Variants in ELAVL2 observed in about 807,000 individuals in gnomAD.
The protein encoded by ELAVL2 is ELAV like RNA binding protein 2, also known as ELAV-like protein 2.
A neutral mutation model predicts 34.6 loss-of-function variants in ELAVL2; 4 were observed. The ratio of observed to expected loss-of-function variants is 0.12; its 90% CI spans 0.06 to 0.26. The LOEUF is 0.26. Among genes scored for constraint, ELAVL2 ranks in the 10% least tolerant of loss-of-function variants. The probability of loss-of-function intolerance (pLI) is 1.00; values close to 1 mark genes in which losing one functional copy is unlikely to be tolerated. For synonymous variants in ELAVL2, 193 were observed against 154.8 expected (o/e 1.25, Z -1.83); for missense variants, 432 against 442.8 (o/e 0.98, Z 0.22).
chr9:23,705,156 T>A, intron 3 of ELAVL2, 85 bp from the exon 4 acceptor site: 1 of 1,512,262 alleles, frequency 6.6e-7, no homozygotes, highest in Non-Finnish European at 9.0e-7. Flanking sequence ...CTCGGTAACT[T>A]TCCCATGAAC....
At chr9:23,730,622 A>G (rs2046295651) in intron 3 of ELAVL2, among the ~76,000 whole-genome samples, 2 of 152,150 alleles carry the variant, frequency 1.3e-5, no homozygotes, top group Non-Finnish European at 2.9e-5. Context: ...CTGCTTTCAT[A>G]CTATAAAGGC....
At chr9:23,756,076 G>GT (rs1201415160) in intron 2 of ELAVL2, among the ~76,000 whole-genome samples, 3 of 152,112 alleles carry the variant, frequency 2.0e-5, no homozygotes, top group African/African-American at 7.2e-5. Flanking sequence ...AGCTAAGATT[G>GT]TATTTGTTTA....
chr9:23,752,885 T>C (rs2052500968), intron 2 of ELAVL2, among the ~76,000 whole-genome samples: 2 of 152,200 alleles, frequency 1.3e-5, no homozygotes, highest in East Asian at 1.9e-4. Context: ...ATAAAGATGA[T>C]ATATGGTGTC....
intron 1 of ELAVL2, among the ~76,000 whole-genome samples, chr9:23,768,853 T>C (rs1217857446): frequency 6.6e-6 from 1 of 152,158 alleles, no homozygotes; most frequent in African/African-American, 2.4e-5. Context: ...AGAAGGCATT[T>C]AGAAGCACAT....
chr9:23,828,516 A>C (rs2065400236), upstream of ELAVL2, among the ~76,000 whole-genome samples: 2 of 152,210 alleles, frequency 1.3e-5, no homozygotes, highest in African/African-American at 4.8e-5. Flanking sequence ...AGTGATATGG[A>C]GTAATAAAAA....
intron 2 of ELAVL2, among the ~76,000 whole-genome samples, chr9:23,745,962 A>G (rs994116250): frequency 6.6e-6 from 1 of 152,138 alleles, no homozygotes; most frequent in African/African-American, 2.4e-5. Context: ...TCTTGCTCAC[A>G]CTCAGTGAGC....
the ELAVL2 span, among the ~76,000 whole-genome samples, chr9:23,842,576 A>G: frequency 1.3e-5 from 2 of 152,044 alleles, no homozygotes; most frequent in Admixed American, 6.5e-5. Context: ...TTTTTCATAT[A>G]TATAGGAAAT....
At chr9:23,739,061 A>C (rs967361220) in intron 2 of ELAVL2, among the ~76,000 whole-genome samples, 1 of 152,206 alleles carries the variant, frequency 6.6e-6, no homozygotes, top group Admixed American at 6.5e-5. Context: ...ACAGCATATT[A>C]AATCCTCTAA....
At chr9:23,831,966 T>A in the ELAVL2 span, among the ~76,000 whole-genome samples, 2 of 152,170 alleles carry the variant, frequency 1.3e-5, no homozygotes, top group East Asian at 1.9e-4. Context: ...ATTTGAAAAG[T>A]ACAGTATGGA....
At chr9:23,791,130 T>C (rs1588545609) in intron 1 of ELAVL2, among the ~76,000 whole-genome samples, 1 of 152,176 alleles carries the variant, frequency 6.6e-6, no homozygotes, top group South Asian at 2.1e-4. Context: ...AAGAAATCAA[T>C]TGTATATCAA....
At chr9:23,733,172 TAAA>T (rs397953305) in intron 2 of ELAVL2, among the ~76,000 whole-genome samples, 3 of 104,592 alleles carry the variant, frequency 2.9e-5, no homozygotes, top group African/African-American at 1.1e-4. Flanking sequence ...CTAGAAAGCT[TAAA>T]AAAAAAAAAA....
At chr9:23,800,954 T>A (rs2061499645) in intron 1 of ELAVL2, among the ~76,000 whole-genome samples, 1 of 152,150 alleles carries the variant, frequency 6.6e-6, no homozygotes. Context: ...GGCACCTTAT[T>A]TGAGGGCTTT....
At chr9:23,695,728 C>T (rs1055454041) in intron 5 of ELAVL2, among the ~76,000 whole-genome samples, 2 of 152,034 alleles carry the variant, frequency 1.3e-5, no homozygotes, top group African/African-American at 4.8e-5. Context: ...GTGTATTTAA[C>T]CATATCTAAA....
At chr9:23,849,549 G>C in the ELAVL2 span, 1 of 152,092 alleles carries the variant, frequency 6.6e-6, no homozygotes, top group African/African-American at 2.4e-5. Flanking sequence ...CTAATGTGCC[G>C]AGTTCAGGAA....
At chr9:23,737,558 T>C (rs1431073308) in intron 2 of ELAVL2, among the ~76,000 whole-genome samples, 1 of 152,200 alleles carries the variant, frequency 6.6e-6, no homozygotes, top group African/African-American at 2.4e-5. Context: ...TATAATTTTG[T>C]TGAAAGTACT....
intron 1 of ELAVL2, among the ~76,000 whole-genome samples, chr9:23,775,331 C>G (rs1397592771): frequency 6.6e-6 from 1 of 152,198 alleles, no homozygotes; most frequent in African/African-American, 2.4e-5. Flanking sequence ...GAGGACACCA[C>G]TGCACTCCAG....
intron 1 of ELAVL2, among the ~76,000 whole-genome samples, chr9:23,806,363 A>G (rs2062219876): frequency 6.6e-6 from 1 of 152,130 alleles, no homozygotes; most frequent in South Asian, 2.1e-4. Context: ...TAGCCAGGTG[A>G]GGTGGCTCAG....
chr9:23,751,203 T>C (rs2051916466), intron 2 of ELAVL2, among the ~76,000 whole-genome samples: 1 of 152,062 alleles, frequency 6.6e-6, no homozygotes, highest in Non-Finnish European at 1.5e-5. Context: ...ATCAAAGCAG[T>C]ATGTACAAAA....
At chr9:23,782,867 C>T (rs192066971) in intron 1 of ELAVL2, among the ~76,000 whole-genome samples, 4 of 152,218 alleles carry the variant, frequency 2.6e-5, no homozygotes, top group East Asian at 1.9e-4. Context: ...ATGGAGACCC[C>T]GGGGCACAAG....
Sources: allele counts gnomAD v4.1 joint callset (sites outside exome capture counted in the v4.1 genomes callset), GRCh38; gene constraint gnomAD v4.1.1; transcripts MANE v1.5; gene names NCBI Gene and HGNC (gene_info 2026-07-23, HGNC 2026-07-21).